The following TASP1 variants were observed in gnomAD, a reference collection of about 807,000 sequenced individuals.
TASP1 encodes the protein threonine aspartase 1.
Under a neutral mutation model 56.6 loss-of-function variants are expected in TASP1, and 16 were observed. That is an observed-to-expected ratio of 0.28 (90% CI 0.19 to 0.43). The LOEUF is 0.43. Ranked by LOEUF, TASP1 falls within the 20% of genes least tolerant of loss-of-function variation. TASP1 has a pLI of 1.00. For synonymous variants in TASP1, 179 were observed against 184.2 expected (o/e 0.97, Z 0.23); for missense variants, 393 against 511.6 (o/e 0.77, Z 2.24).
At chr20:13,432,878 G>A (rs2042860600) in intron 12 of TASP1, among the ~76,000 whole-genome samples, 1 of 152,124 alleles carries the variant, frequency 6.6e-6, no homozygotes, top group African/African-American at 2.4e-5. Flanking sequence ...GCAAAGTACT[G>A]TGATACTCCT....
intron 10 of TASP1, among the ~76,000 whole-genome samples, chr20:13,504,059 C>A (rs780402204): frequency 2.0e-5 from 3 of 151,778 alleles, no homozygotes; most frequent in Non-Finnish European, 4.4e-5. Flanking sequence ...TTAAAAACTA[C>A]TCAAATCTGG....
chr20:13,595,256 C>T lies in TASP1; in HGVS notation c.283-7886G>A, dbSNP rs190750039. On this transcript the variant is annotated intron_variant, in intron 4 of 13. Transcript: ENST00000337743. Reference sequence around the variant, plus strand: ...AAACATGGAAAGGAACAACCAGTACCAGGCACTGCAAAAACATGCCAAATT... The same window carrying T: ...AAACATGGAAAGGAACAACCAGTACTAGGCACTGCAAAAACATGCCAAATT... Among the ~76,000 whole-genome samples the T allele has an allele frequency of 5.3e-5, 8 of 152,324 alleles. No homozygotes were observed. In the East Asian group the frequency reaches 1.5e-3, roughly 29 times the overall value.
chr20:13,558,268 C>T (rs1260852732), intron 8 of TASP1, among the ~76,000 whole-genome samples: 2 of 152,124 alleles, frequency 1.3e-5, no homozygotes, highest in Non-Finnish European at 2.9e-5. Context: ...GAGCTGTATG[C>T]TAAGAAACCC....
intron 10 of TASP1, among the ~76,000 whole-genome samples, chr20:13,484,241 T>C (rs996593338): frequency 5.3e-5 from 8 of 152,318 alleles, no homozygotes; most frequent in South Asian, 2.1e-4. Context: ...TTATGGAAGA[T>C]AGTCTGGTGA....
intron 10 of TASP1, among the ~76,000 whole-genome samples, chr20:13,528,016 G>T (rs1304143020): frequency 6.6e-6 from 1 of 151,970 alleles, no homozygotes; most frequent in Non-Finnish European, 1.5e-5. Context: ...GAGGCCAAGA[G>T]TTCAAGACCA....
At chr20:13,488,783 CACTCCA>C (rs1173572069) in intron 10 of TASP1, among the ~76,000 whole-genome samples, 1 of 152,134 alleles carries the variant, frequency 6.6e-6, no homozygotes, top group Non-Finnish European at 1.5e-5. Flanking sequence ...CTCCCTTGAG[CACTCCA>C]ACTCCAACAT....
intron 4 of TASP1, chr20:13,600,716 T>C (rs1042561630): frequency 6.6e-6 from 1 of 152,116 alleles, no homozygotes; most frequent in Non-Finnish European, 1.5e-5. Context: ...ATAATTGAAT[T>C]TTATCACTTT....
chr20:13,250,063 A>G, the TASP1 span, among the ~76,000 whole-genome samples: 7 of 152,308 alleles, frequency 4.6e-5, no homozygotes, highest in East Asian at 1.4e-3. Context: ...ACAGAAGGGA[A>G]GAGCTATCAT....
intron 13 of TASP1, among the ~76,000 whole-genome samples, chr20:13,403,280 A>G (rs974441541): frequency 6.6e-6 from 1 of 152,198 alleles, no homozygotes; most frequent in African/African-American, 2.4e-5. Context: ...AACCATTACC[A>G]TTTCCACCAA....
the TASP1 span, among the ~76,000 whole-genome samples, chr20:13,220,752 C>T: frequency 6.6e-6 from 1 of 152,246 alleles, no homozygotes; most frequent in African/African-American, 2.4e-5. Flanking sequence ...TTTGGCACTC[C>T]TCCTCTCCCC....
At chr20:13,536,551 A>C (rs1480248107) in intron 8 of TASP1, among the ~76,000 whole-genome samples, 1 of 152,184 alleles carries the variant, frequency 6.6e-6, no homozygotes, top group African/African-American at 2.4e-5. Context: ...AACAACAGAG[A>C]AGTCAAGAAA....
At chr20:13,160,189 G>C in the TASP1 span, 1 of 1,537,978 alleles carries the variant, frequency 6.5e-7, no homozygotes, top group Non-Finnish European at 8.8e-7. Flanking sequence ...TTCAAAGCAA[G>C]TCCTTTTGTT....
chr20:13,543,630 G>C (rs187840229), intron 8 of TASP1, among the ~76,000 whole-genome samples: 1 of 152,000 alleles, frequency 6.6e-6, no homozygotes, highest in Non-Finnish European at 1.5e-5. Context: ...ATCACTTCCC[G>C]ACCAAACAGG....
rs965078803 is a variant in TASP1, at chr20:13,572,620, A to T, written c.489-3034T>A. Among the ~76,000 whole-genome samples, 3 of 131,530 alleles carry T rather than the reference A, an allele frequency of 2.3e-5. No individual in the cohort carries two copies. In the Admixed American group the frequency reaches 2.7e-4, roughly 12 times the overall value. 86.3% of individuals were successfully genotyped at this position (131,530 alleles called of 152,430 possible). A position where few individuals can be genotyped will look rare whatever the true frequency, so the allele number is the denominator to read the frequency against. ...AGAACCGCTTGAACTCGGGAGGTGGAGGTTGCAGTGAGCCAAGATCGTGCC... is the reference window on the plus strand; with the variant it reads ...AGAACCGCTTGAACTCGGGAGGTGGTGGTTGCAGTGAGCCAAGATCGTGCC... On this transcript the variant is annotated intron_variant, in intron 6 of 13. Transcript: ENST00000337743.
intron 13 of TASP1, chr20:13,393,404 C>A: frequency 2.7e-6 from 2 of 750,364 alleles, no homozygotes; most frequent in South Asian, 2.8e-5. Flanking sequence ...CAGTTATGGA[C>A]CTGACCTACC....
the TASP1 span, among the ~76,000 whole-genome samples, chr20:13,218,577 G>A: frequency 1.3e-5 from 2 of 152,174 alleles, no homozygotes; most frequent in African/African-American, 4.8e-5. Flanking sequence ...TATGAATAGG[G>A]TGCTCTGGAC....
the TASP1 span, among the ~76,000 whole-genome samples, chr20:13,364,938 C>G: frequency 6.6e-6 from 1 of 151,958 alleles, no homozygotes; most frequent in East Asian, 1.9e-4. Flanking sequence ...TTTTCTGAGC[C>G]AAGTTGAAAT....
At chr20:13,546,991 T>C (rs1487630839) in intron 8 of TASP1, among the ~76,000 whole-genome samples, 3 of 152,190 alleles carry the variant, frequency 2.0e-5, no homozygotes, top group Admixed American at 6.5e-5. Flanking sequence ...ATTTTAAACC[T>C]ATTGGAAGAC....
At chr20:13,152,500 T>C in the TASP1 span, among the ~76,000 whole-genome samples, 2 of 152,210 alleles carry the variant, frequency 1.3e-5, no homozygotes, top group Admixed American at 1.3e-4. Flanking sequence ...ATCAGGACTC[T>C]CAGTGTCCTG....
Sources: allele counts gnomAD v4.1 joint callset (sites outside exome capture counted in the v4.1 genomes callset), GRCh38; gene constraint gnomAD v4.1.1; transcripts MANE v1.5; gene names NCBI Gene and HGNC (gene_info 2026-07-23, HGNC 2026-07-21).